The following DMD variants were observed in gnomAD, a reference collection of about 807,000 sequenced individuals.
DMD encodes the protein dystrophin.
Under a neutral mutation model 330.1 loss-of-function variants are expected in DMD, and 63 were observed. That is an observed-to-expected ratio of 0.19 (90% CI 0.16 to 0.24). The LOEUF (loss-of-function observed/expected upper bound fraction) is 0.24. Ranked by LOEUF, DMD falls within the 10% of genes least tolerant of loss-of-function variation. The pLI is 1.00. For synonymous variants in DMD, 1,223 were observed against 959.8 expected, an observed-to-expected ratio of 1.27 and a Z score of -5.07; for missense variants, 3,344 against 2,684.1, an observed-to-expected ratio of 1.25 and a Z score of -5.43.
intron 50 of DMD, among the ~76,000 whole-genome samples, chrX:31,795,540 A>G (rs1435580271): frequency 1.8e-5 from 2 of 112,066 alleles, no homozygotes; most frequent in Admixed American, 1.9e-4. Context: ...ATAGAGAAAG[A>G]GTGACAGAGC....
At chrX:32,716,548 C>A (rs182760231) in intron 7 of DMD, among the ~76,000 whole-genome samples, 285 of 111,309 alleles carry the variant, frequency 2.6e-3, no homozygotes, top group Non-Finnish European at 3.9e-3. Flanking sequence ...CGAGAAAGGA[C>A]TAATACAGAA....
chrX:32,191,224 G>C (rs1415915602), intron 44 of DMD, among the ~76,000 whole-genome samples: 1 of 111,442 alleles, frequency 9.0e-6, no homozygotes, highest in African/African-American at 3.3e-5. Flanking sequence ...GTACCTCTTG[G>C]AATTATTCAG....
intron 4 of DMD, 87 bp downstream of exon 4, chrX:32,844,696 T>C (rs2080493161): frequency 6.4e-6 from 5 of 784,592 alleles, no homozygotes; most frequent in South Asian, 2.1e-5. Flanking sequence ...TTTGAAATAC[T>C]TTCTCTGCAT....
chrX:33,032,880 A>G (rs1437048910), intron 1 of DMD, among the ~76,000 whole-genome samples: 2 of 112,435 alleles, frequency 1.8e-5, no homozygotes, highest in Non-Finnish European at 3.8e-5. Flanking sequence ...TTCACCAAAT[A>G]CGGAAGTCTT....
chrX:33,056,741 T>A (rs755955145), intron 1 of DMD, among the ~76,000 whole-genome samples: 72 of 111,809 alleles, frequency 6.4e-4, no homozygotes, highest in Non-Finnish European at 1.1e-3. Flanking sequence ...ATTCAGAGAC[T>A]CTTTTCTGCC....
intron 26 of DMD, among the ~76,000 whole-genome samples, chrX:32,453,831 C>CA (rs1157310053): frequency 9.1e-6 from 1 of 109,530 alleles, no homozygotes; most frequent in African/African-American, 3.3e-5. Flanking sequence ...ATCCTTGAAC[C>CA]AAAAAAAGAT....
chrX:32,673,431 A>C (rs141754390), intron 9 of DMD, among the ~76,000 whole-genome samples: 1,170 of 111,550 alleles, frequency 0.01, 21 homozygotes, highest in African/African-American at 0.036. Context: ...TTGTTTTTGA[A>C]GTACAGAAAA....
At position 31,126,577 on chromosome X, in the gene DMD, C is replaced by T. The variant is rs1441774429; in HGVS notation, c.11046+65G>A. 10 of 1,017,615 alleles carry T rather than the reference C, an allele frequency of 9.8e-6. No homozygotes were observed. The African/African-American group carries it at 1.3e-4, about 13-fold the overall frequency. The allele number at this position is 1,017,615 out of a possible 1,213,427, so 83.9% of individuals were successfully genotyped here. A position where few individuals can be genotyped will look rare whatever the true frequency, so the allele number is the denominator to read the frequency against. ...TGCACACACACAATTCTTACACAAA[C>T]GCCAAACATAAAAAGCAGGATGAGA... On this transcript the variant is annotated intron_variant, in intron 78 of 78. Transcript: ENST00000357033.
At chrX:33,063,265 T>G (rs1309660678) in intron 1 of DMD, among the ~76,000 whole-genome samples, 3 of 111,429 alleles carry the variant, frequency 2.7e-5, no homozygotes, top group Non-Finnish European at 3.8e-5. Flanking sequence ...CCAGAGACTC[T>G]GCCAAATTTT....
intron 52 of DMD, among the ~76,000 whole-genome samples, chrX:31,713,979 A>G (rs6631372): frequency 0.1 from 11,666 of 111,703 alleles, 580 homozygotes; most frequent in South Asian, 0.33. Flanking sequence ...GAATAAAATA[A>G]TCTCACTCTA....
At chrX:31,566,318 T>C (rs945456259) in intron 55 of DMD, among the ~76,000 whole-genome samples, 5 of 111,857 alleles carry the variant, frequency 4.5e-5, no homozygotes, top group Non-Finnish European at 9.4e-5. Flanking sequence ...ACTCTAGGGA[T>C]GTCCAATTTC....
chrX:33,180,216 C>G (rs776802255), intron 1 of DMD, among the ~76,000 whole-genome samples: 1 of 112,110 alleles, frequency 8.9e-6, no homozygotes, highest in Non-Finnish European at 1.9e-5. Flanking sequence ...AAATAACGAA[C>G]AAACCTCCTG....
chrX:33,128,056 G>C, intron 1 of DMD: 1 of 1,171,154 alleles, frequency 8.5e-7, no homozygotes, highest in Non-Finnish European at 1.1e-6. Flanking sequence ...TTGACCAAAA[G>C]AGTCACCTTT....
intron 1 of DMD, among the ~76,000 whole-genome samples, chrX:33,261,647 C>CAT (rs1422188542): frequency 1.8e-5 from 2 of 108,298 alleles, no homozygotes; most frequent in African/African-American, 6.7e-5. Context: ...CACACACACA[C>CAT]ACACACACAC....
At position 31,121,584 on chromosome X, in the gene DMD, G is replaced by C; in HGVS notation, c.*335C>G. On this transcript the variant is annotated 3_prime_UTR_variant, in exon 79 of 79. Transcript: ENST00000357033. ...CAAAATGCGTTCCATATAAAGAAAT[G>C]GCAAGTTATTTAGCTATCAAGATTT... The C allele has an allele frequency of 3.4e-6, 1 of 295,534 alleles. No homozygotes were observed. Among genetic ancestry groups the C allele is most frequent in the Non-Finnish European group, 5.9e-6 (1 of 169,629 alleles). The allele number at this position is 295,534 out of a possible 1,213,427, so 24.4% of individuals were successfully genotyped here. A position where few individuals can be genotyped will look rare whatever the true frequency, so the allele number is the denominator to read the frequency against.
intron 2 of DMD, among the ~76,000 whole-genome samples, chrX:32,868,629 G>A (rs764005769): frequency 1.8e-5 from 2 of 112,471 alleles, no homozygotes; most frequent in Admixed American, 1.9e-4. Context: ...ACCAGCTATG[G>A]CAAATAATGG....
chrX:32,055,936 A>T (rs1449619025), intron 44 of DMD, among the ~76,000 whole-genome samples: 1 of 110,811 alleles, frequency 9.0e-6, no homozygotes, highest in African/African-American at 3.3e-5. Context: ...TTTTTCTCCA[A>T]CCCTCAGTTT....
At chrX:32,175,654 G>A (rs940130953) in intron 44 of DMD, among the ~76,000 whole-genome samples, 9 of 109,237 alleles carry the variant, frequency 8.2e-5, no homozygotes, top group Non-Finnish European at 1.5e-4. Context: ...CCTTAAGTAA[G>A]TCTGTCTTCA....
At chrX:31,805,779 G>A (rs759536411) in intron 50 of DMD, among the ~76,000 whole-genome samples, 1 of 112,317 alleles carries the variant, frequency 8.9e-6, no homozygotes, top group South Asian at 3.7e-4. Context: ...TAATAACACT[G>A]CTGATGATAA....
Sources: gnomAD v4.1 joint callset for allele counts (sites outside exome capture counted in the v4.1 genomes callset) on GRCh38, gnomAD v4.1.1 for gene constraint, MANE v1.5 for transcripts, NCBI Gene and HGNC (gene_info 2026-07-23, HGNC 2026-07-21) for gene names.